Variants in TENM3 observed in about 807,000 individuals in gnomAD.
The protein encoded by TENM3 is teneurin transmembrane protein 3.
Under a neutral mutation model 255.1 loss-of-function variants are expected in TENM3, and 63 were observed. The ratio of observed to expected loss-of-function variants is 0.25; its 90% CI spans 0.20 to 0.30. The LOEUF is 0.30. Ranked by LOEUF, TENM3 falls within the 10% of genes least tolerant of loss-of-function variation. TENM3 has a pLI of 1.00. For missense variants in TENM3, 2,929 were observed against 3,461.1 expected (o/e 0.85, Z 3.86); for synonymous variants, 1,306 against 1,322.3 (o/e 0.99, Z 0.27).
the TENM3 span, among the ~76,000 whole-genome samples, chr4:182,004,860 T>G: frequency 2.0e-5 from 3 of 152,238 alleles, no homozygotes; most frequent in East Asian, 5.8e-4. Context: ...GTTGACCATG[T>G]AAATGTCTTC....
intron 3 of TENM3, among the ~76,000 whole-genome samples, chr4:182,358,359 G>A (rs911629001): frequency 5.4e-5 from 8 of 148,808 alleles, no homozygotes; most frequent in Non-Finnish European, 1.2e-4. Context: ...AGCATGGAAT[G>A]TTCTTCCATT....
chr4:182,657,610 C>T (rs1428252694), intron 6 of TENM3, among the ~76,000 whole-genome samples: 4 of 152,094 alleles, frequency 2.6e-5, no homozygotes, highest in African/African-American at 9.7e-5. Flanking sequence ...CCTACTGCCT[C>T]TCTCTTCTAC....
the TENM3 span, among the ~76,000 whole-genome samples, chr4:181,907,091 G>T: frequency 1.3e-5 from 2 of 152,050 alleles, no homozygotes; most frequent in East Asian, 1.9e-4. Flanking sequence ...TCACCATGTT[G>T]GCCAGGCTGG....
the TENM3 span, among the ~76,000 whole-genome samples, chr4:181,731,387 T>G: frequency 5.9e-5 from 9 of 152,174 alleles, no homozygotes; most frequent in Non-Finnish European, 1.3e-4. Flanking sequence ...AGGGTCTCAC[T>G]TTGTCACCCG....
chr4:182,484,035 C>T (rs781575622), intron 3 of TENM3, among the ~76,000 whole-genome samples: 2 of 152,168 alleles, frequency 1.3e-5, no homozygotes, highest in Non-Finnish European at 2.9e-5. Context: ...CGGCCTGTTA[C>T]TTTCATGAGA....
intron 3 of TENM3, among the ~76,000 whole-genome samples, chr4:182,544,426 G>T (rs934563271): frequency 6.8e-6 from 1 of 148,092 alleles, no homozygotes; most frequent in African/African-American, 2.5e-5. Flanking sequence ...TGCCTCCCGG[G>T]TTCAAGCGAC....
intron 2 of TENM3, among the ~76,000 whole-genome samples, chr4:182,329,066 T>G (rs1204993777): frequency 6.6e-6 from 1 of 152,116 alleles, no homozygotes; most frequent in African/African-American, 2.4e-5. Context: ...ATATGTATCT[T>G]GGACCCTGGC....
In TENM3 at chr4:182,679,871, T is replaced by C. The variant is rs1755995463; in HGVS notation, c.1532T>C (p.Val511Ala). ...NAEQVSFNTI[V>A]IESVVECPRN... ...GAGCAGGTGTCTTTTAATACCATTGTTATAGGTAAGAATAGTCTTCAAAGC... is the reference window on the plus strand; with the variant it reads ...GAGCAGGTGTCTTTTAATACCATTGCTATAGGTAAGAATAGTCTTCAAAGC... The change falls in exon 8 of 28, where the codon GTT becomes GCT. Residue 511 changes from valine to alanine, a missense_variant. Val to Ala is a moderately conservative substitution (Grantham distance 64, BLOSUM62 0). This residue lies in a region of TENM3 where 1,608 missense variants were observed against 1,884.4 expected (regional missense o/e 0.85). Transcript: ENST00000511685. 6.2e-7 allele frequency: 1 copy of C among 1,606,208 alleles called. No homozygotes were observed. The highest frequency in any genetic ancestry group is 8.5e-7 in the Non-Finnish European group (1 of 1,175,540).
intron 1 of TENM3, among the ~76,000 whole-genome samples, chr4:182,161,086 C>A (rs2149629748): frequency 6.6e-6 from 1 of 151,910 alleles, no homozygotes; most frequent in Non-Finnish European, 1.5e-5. Flanking sequence ...GGAGACCAGC[C>A]TGGCCAACGT....
At chr4:181,985,097 G>T in the TENM3 span, among the ~76,000 whole-genome samples, 1 of 151,854 alleles carries the variant, frequency 6.6e-6, no homozygotes, top group Non-Finnish European at 1.5e-5. Flanking sequence ...CACCTGAATT[G>T]TAGCTCATCT....
At chr4:181,730,005 G>A in the TENM3 span, among the ~76,000 whole-genome samples, 1 of 152,214 alleles carries the variant, frequency 6.6e-6, no homozygotes, top group Admixed American at 6.5e-5. Flanking sequence ...AAGCCAGGAA[G>A]AGACAGTCTC....
intron 5 of TENM3, among the ~76,000 whole-genome samples, chr4:182,629,978 C>T (rs1258981140): frequency 1.3e-5 from 2 of 152,156 alleles, no homozygotes; most frequent in Non-Finnish European, 2.9e-5. Flanking sequence ...ACAAGTTATA[C>T]AGTATTTTTT....
the TENM3 span, among the ~76,000 whole-genome samples, chr4:181,809,885 G>A: frequency 6.6e-6 from 1 of 152,136 alleles, no homozygotes; most frequent in Non-Finnish European, 1.5e-5. Context: ...AAGAGGCAGG[G>A]AACACACTCT....
chr4:182,583,669 T>C (rs1291212929), intron 3 of TENM3, among the ~76,000 whole-genome samples: 1 of 152,122 alleles, frequency 6.6e-6, no homozygotes, highest in Admixed American at 6.6e-5. Flanking sequence ...TGACTTGTAT[T>C]TGAAGTGTTT....
intron 3 of TENM3, among the ~76,000 whole-genome samples, chr4:182,445,845 C>T (rs898669752): frequency 6.6e-6 from 1 of 152,018 alleles, no homozygotes; most frequent in Non-Finnish European, 1.5e-5. Flanking sequence ...TGGGGAATTC[C>T]GCAGATCTTA....
chr4:181,586,571 G>T, the TENM3 span, among the ~76,000 whole-genome samples: 1 of 152,146 alleles, frequency 6.6e-6, no homozygotes, highest in African/African-American at 2.4e-5. Context: ...GCCAGGTGCG[G>T]TGGCTCACAC....
At chr4:182,682,088 C>G (rs895223492) in intron 11 of TENM3, 74 bp downstream of exon 11, 4 of 1,258,264 alleles carry the variant, frequency 3.2e-6, no homozygotes, top group Non-Finnish European at 4.5e-6. Context: ...AATCTTTAAA[C>G]CTCCCTTTTT....
chr4:181,545,581 G>C, the TENM3 span, among the ~76,000 whole-genome samples: 2 of 152,160 alleles, frequency 1.3e-5, no homozygotes, highest in African/African-American at 4.8e-5. Flanking sequence ...GAGGCTTTAA[G>C]TGACAAATCA....
At chr4:182,661,158 TAAAC>T (rs1056590734) in intron 6 of TENM3, among the ~76,000 whole-genome samples, 32 of 152,088 alleles carry the variant, frequency 2.1e-4, no homozygotes, top group African/African-American at 7.2e-4. Context: ...TTATGCTGCT[TAAAC>T]AAAACAATTC....
Sources: gnomAD v4.1 joint callset for allele counts (sites outside exome capture counted in the v4.1 genomes callset) on GRCh38, gnomAD v4.1.1 for gene constraint, gnomAD v4.1.1 regional missense constraint, MANE v1.5 for transcripts, NCBI Gene and HGNC (gene_info 2026-07-23, HGNC 2026-07-21) for gene names.